Variants in ATP8B1 observed in about 807,000 individuals in gnomAD.
The protein encoded by ATP8B1 is phospholipid-transporting ATPase IC.
ATP8B1 carries 80 observed loss-of-function variants against 149.9 expected under a neutral mutation model. The observed-to-expected ratio is 0.53, with a 90% CI of 0.45 to 0.64. The LOEUF (loss-of-function observed/expected upper bound fraction) is 0.64, where lower values mean the gene tolerates loss of function less well. Ranked by LOEUF, ATP8B1 falls within the 30% of genes least tolerant of loss-of-function variation. The pLI, the probability that ATP8B1 is intolerant of heterozygous loss-of-function variation, is 0.00. For synonymous variants in ATP8B1, 536 were observed against 562.8 expected (o/e 0.95, Z 0.67); for missense variants, 1,247 against 1,552.6 (o/e 0.80, Z 3.31).
At chr18:57,658,534 A>T (rs1044071230) in intron 22 of ATP8B1, among the ~76,000 whole-genome samples, 2 of 152,068 alleles carry the variant, frequency 1.3e-5, no homozygotes, top group African/African-American at 4.8e-5. Flanking sequence ...CTTCTTCCAG[A>T]CTACACTGCT....
intron 1 of ATP8B1, among the ~76,000 whole-genome samples, chr18:57,785,811 T>C (rs2080402403): frequency 6.6e-6 from 1 of 152,200 alleles, no homozygotes; most frequent in African/African-American, 2.4e-5. Flanking sequence ...TGGCCGTAAG[T>C]ATCTATTTGT....
chr18:57,701,293 G>T lies in ATP8B1; in HGVS notation c.414C>A (p.Thr138=). The change falls in exon 5 of 28, where the codon ACC becomes ACA. Residue 138 remains threonine (T), a synonymous_variant. Coordinates refer to ENST00000648908, the MANE Select transcript of ATP8B1 (RefSeq NM_001374385.1). ...LILQAVPQIS[T]LAWYTTLVPL... ...GCACTAGTGTGGTGTACCAAGCCAG[G>T]GTAGAGATTTGAGGAACTGCCTAAA... 6.2e-7 allele frequency: 1 copy of T among 1,614,104 alleles called. No homozygotes were observed. The highest frequency in any genetic ancestry group is 1.7e-5 in the Admixed American group (1 of 60,016).
At chr18:57,732,333 G>GTATATA (rs1568044496) in intron 1 of ATP8B1, among the ~76,000 whole-genome samples, 17,374 of 36,000 alleles carry the variant, frequency 0.48, 8,309 homozygotes, top group South Asian at 0.62. Flanking sequence ...GTATATATGT[G>GTATATA]TGTATATATA....
At chr18:57,716,015 G>A (rs2079579864) in intron 2 of ATP8B1, among the ~76,000 whole-genome samples, 1 of 152,080 alleles carries the variant, frequency 6.6e-6, no homozygotes, top group Admixed American at 6.6e-5. Flanking sequence ...ATAAAAAATA[G>A]TGACTAGAAC....
At chr18:57,663,353 G>A (rs144606835) in intron 20 of ATP8B1, among the ~76,000 whole-genome samples, 1,593 of 152,258 alleles carry the variant, frequency 0.01, 11 homozygotes, top group Non-Finnish European at 0.016. Flanking sequence ...CCTGGGTTGC[G>A]TCCATCTCTT....
intron 1 of ATP8B1, among the ~76,000 whole-genome samples, chr18:57,792,223 G>A (rs1298981634): frequency 2.0e-5 from 3 of 152,224 alleles, no homozygotes; most frequent in East Asian, 3.9e-4. Context: ...GATGTATTAC[G>A]TGCACCAGTA....
At chr18:57,696,075 G>A (rs1912791974) in intron 8 of ATP8B1, among the ~76,000 whole-genome samples, 1 of 152,284 alleles carries the variant, frequency 6.6e-6, no homozygotes, top group South Asian at 2.1e-4. Flanking sequence ...GCCGGGGCAG[G>A]TGCTCTCAAG....
At chr18:57,666,751 C>T (rs1392188800) in intron 20 of ATP8B1, among the ~76,000 whole-genome samples, 1 of 151,894 alleles carries the variant, frequency 6.6e-6, no homozygotes, top group Non-Finnish European at 1.5e-5. Context: ...GGCCAGGCTG[C>T]TCTAGAACTC....
At chr18:57,726,797 A>G (rs116161612) in intron 2 of ATP8B1, among the ~76,000 whole-genome samples, 2,195 of 152,258 alleles carry the variant, frequency 0.014, 48 homozygotes, top group African/African-American at 0.049. Context: ...TAAATAGAAT[A>G]GGCCGGGCAC....
intron 20 of ATP8B1, among the ~76,000 whole-genome samples, chr18:57,666,783 G>A (rs189383263): frequency 3.3e-5 from 5 of 152,164 alleles, no homozygotes; most frequent in East Asian, 1.9e-4. Flanking sequence ...TGATCCACCC[G>A]CCTCGGCCTC....
intron 1 of ATP8B1, among the ~76,000 whole-genome samples, chr18:57,787,931 G>C (rs958563072): frequency 2.0e-5 from 3 of 152,166 alleles, no homozygotes; most frequent in African/African-American, 7.2e-5. Flanking sequence ...CACTTGGGAG[G>C]CTGAGGCGGG....
chr18:57,703,087 G>A (rs1305395637), intron 4 of ATP8B1, among the ~76,000 whole-genome samples: 1 of 152,052 alleles, frequency 6.6e-6, no homozygotes, highest in East Asian at 1.9e-4. Flanking sequence ...TTTACTATCT[G>A]ACTTGAAGGT....
intron 1 of ATP8B1, among the ~76,000 whole-genome samples, chr18:57,796,332 G>A (rs2448797): frequency 0.28 from 43,178 of 151,980 alleles, 7,038 homozygotes; most frequent in East Asian, 0.44. Flanking sequence ...TCACACACTT[G>A]GAGTCCTTAC....
Position 57,652,141 on chromosome 18 carries a change from A to T in ATP8B1, c.3293T>A (p.Val1098Glu), listed in dbSNP as rs751713854. 1 of 1,614,194 alleles carries T rather than the reference A, an allele frequency of 6.2e-7. No individual in the cohort carries two copies. Among genetic ancestry groups the T allele is most frequent in the Non-Finnish European group, 8.5e-7 (1 of 1,180,016 alleles). ...IGLDTSYWTF[V>E]NAFSIFGSIA... ...GCTTCCAAAAATTGAAAAAGCATTC[A>T]CAAAAGTCCAATAAGAAGTATCCAA... The change falls in exon 26 of 28, where the codon GTG (valine) becomes GAG (glutamate). Residue 1098 changes from valine (V) to glutamate (E), a missense_variant. Transcript: ENST00000648908.
At position 57,784,367 on chromosome 18, in the gene ATP8B1, CCTCA is replaced by C. The variant is rs1202102937; in HGVS notation, c.-26+18627_-26+18630del. 6.6e-6 allele frequency among the ~76,000 whole-genome samples: 1 copy of C among 152,002 alleles called. No individual in the cohort carries two copies. Among genetic ancestry groups the C allele is most frequent in the Non-Finnish European group, 1.5e-5 (1 of 67,998 alleles). ...GGAAGGGGCAGGGTAGAAGTGTAGCCCTCATGTAAGAAGGCTACTGGAATGGTCC... is the reference window on the plus strand; with the variant it reads ...GGAAGGGGCAGGGTAGAAGTGTAGCCTGTAAGAAGGCTACTGGAATGGTCC... On this transcript the variant is annotated intron_variant, in intron 1 of 27. Transcript: ENST00000648908. This position sits in a 1 kb window ranked among gnomAD's most constrained non-coding sequence, Gnocchi z 4.4.
chr18:57,728,844 C>T (rs956935725), intron 2 of ATP8B1, among the ~76,000 whole-genome samples: 2 of 151,626 alleles, frequency 1.3e-5, no homozygotes, highest in African/African-American at 2.4e-5. Context: ...CTCAGCCTCC[C>T]GAGTAGCTGG....
At position 57,697,829 on chromosome 18, in the gene ATP8B1, TCTCC is replaced by T; in HGVS notation, c.589_592del (p.Gly197ThrfsTer5). The T allele has an allele frequency of 2.5e-6, 4 of 1,613,886 alleles. No individual in the cohort carries two copies. The South Asian group carries it at 3.3e-5, about 13-fold the overall frequency. ...ATCATTTTTTTTCAGACGAATGACG[TCTCC>T]AACTTGAATTTCTTTCCACTTAGCA... On this transcript the variant is annotated frameshift_variant, in exon 7 of 28. Transcript: ENST00000648908. LOFTEE classifies it high-confidence loss of function.
intron 1 of ATP8B1, among the ~76,000 whole-genome samples, chr18:57,785,012 G>A (rs1464799989): frequency 6.6e-6 from 1 of 152,120 alleles, no homozygotes; most frequent in African/African-American, 2.4e-5. Flanking sequence ...AAAAGTTCAC[G>A]GGCAGGCCAG....
At chr18:57,657,412 G>A (rs938217488) in intron 22 of ATP8B1, among the ~76,000 whole-genome samples, 18 of 152,098 alleles carry the variant, frequency 1.2e-4, no homozygotes, top group African/African-American at 4.3e-4. Context: ...ATTTAGAAAA[G>A]ATATGTTGGA....
Sources: allele counts gnomAD v4.1 joint callset (sites outside exome capture counted in the v4.1 genomes callset), GRCh38; gene constraint gnomAD v4.1.1; non-coding constraint Gnocchi (gnomAD v3.1); transcripts MANE v1.5; gene names NCBI Gene and HGNC (gene_info 2026-07-23, HGNC 2026-07-21).